The following AXL variants were observed in gnomAD, a reference collection of about 807,000 sequenced individuals.
AXL encodes tyrosine-protein kinase receptor UFO.
A neutral mutation model predicts 104.5 loss-of-function variants in AXL; 52 were observed. That is an observed-to-expected ratio of 0.50 (90% CI 0.40 to 0.63). The LOEUF (loss-of-function observed/expected upper bound fraction) is 0.63. Ranked by LOEUF, AXL falls within the 20% of genes least tolerant of loss-of-function variation. The pLI is 0.00. For synonymous variants in AXL, 455 were observed against 473.7 expected (o/e 0.96, Z 0.51); for missense variants, 1,024 against 1,188.5 (o/e 0.86, Z 2.04).
At position 41,242,932 on chromosome 19, in the gene AXL, G is replaced by A. The variant is rs2122247118; in HGVS notation, c.1362G>A (p.Leu454=). ...PAFSWPWWYV[L]LGAVVAAACV... is the part of the protein sequence containing the mutation. ...TCTCGTGGCCCTGGTGGTATGTACT[G>A]CTAGGAGCAGTCGTGGCCGCTGCCT... is the stretch of plus-strand genomic sequence containing the variant. The change falls in exon 11 of 20, where the codon CTG becomes CTA. Residue 454 remains leucine, a synonymous_variant. Coordinates refer to ENST00000301178, the MANE Select transcript of AXL (RefSeq NM_021913.5). 1 of 1,614,186 alleles carries A rather than the reference G, an allele frequency of 6.2e-7. No homozygotes were observed. Among genetic ancestry groups the A allele is most frequent in the South Asian group, 1.1e-5 (1 of 91,088 alleles).
chr19:41,239,603 C>T, intron 9 of AXL, 91 bp from the exon 10 acceptor site: 2 of 1,525,980 alleles, frequency 1.3e-6, no homozygotes, highest in Non-Finnish European at 9.1e-7. Flanking sequence ...CCCTCACTCC[C>T]TTACCCGTGC....
intron 14 of AXL, among the ~76,000 whole-genome samples, chr19:41,251,222 G>A (rs939018555): frequency 6.6e-6 from 1 of 152,096 alleles, no homozygotes; most frequent in African/African-American, 2.4e-5. Flanking sequence ...AGGATCACTT[G>A]AGGCTGGGAG....
intron 4 of AXL, among the ~76,000 whole-genome samples, chr19:41,226,121 A>G (rs1480239174): frequency 2.6e-5 from 4 of 152,148 alleles, no homozygotes; most frequent in African/African-American, 9.7e-5. Flanking sequence ...GGGCCTGGGA[A>G]GGGGGATCCC....
In AXL at chr19:41,248,563, G is replaced by C; in HGVS notation, c.1587G>C (p.Val529=). 6.2e-7 allele frequency: 1 copy of C among 1,614,212 alleles called. No individual in the cohort carries two copies. Among genetic ancestry groups the C allele is most frequent in the Non-Finnish European group, 8.5e-7 (1 of 1,180,040 alleles). ...SEELKEKLRD[V]MVDRHKVALG... ...AGCTGAAGGAGAAGCTGCGGGATGT[G>C]ATGGTGGACCGGCACAAGGTGGCCC... The change falls in exon 13 of 20, where the codon GTG becomes GTC. Residue 529 remains valine, a synonymous_variant. Coordinates refer to ENST00000301178, the MANE Select transcript of AXL (RefSeq NM_021913.5).
rs1307968316 is a variant in AXL, at chr19:41,253,715, G to A, written c.2036+7G>A. Reference sequence around the variant, plus strand: ...TGGCGGCCAGGAACTGCATGTGAGTGCCTTTCAGGGACCCCCCCCCCCCAA... The same window carrying A: ...TGGCGGCCAGGAACTGCATGTGAGTACCTTTCAGGGACCCCCCCCCCCCAA... On this transcript the variant is annotated splice_region_variant and intron_variant, in intron 17 of 19. Coordinates refer to ENST00000301178, the MANE Select transcript of AXL (RefSeq NM_021913.5). The A allele has an allele frequency of 6.4e-7, 1 of 1,572,144 alleles. No homozygotes were observed. Among genetic ancestry groups the A allele is most frequent in the Non-Finnish European group, 8.6e-7 (1 of 1,156,774 alleles).
At chr19:41,252,514 C>A in intron 15 of AXL, 71 bp downstream of exon 15, 1 of 1,531,198 alleles carries the variant, frequency 6.5e-7, no homozygotes, top group Non-Finnish European at 9.0e-7. Flanking sequence ...AGCCCTGCTT[C>A]TGGCCCTGGG....
chr19:41,238,372 C>T (rs758243842), intron 7 of AXL, 98 bp from the exon 8 acceptor site: 84 of 1,551,494 alleles, frequency 5.4e-5, no homozygotes, highest in Middle Eastern at 4.7e-4. Context: ...GAGTTGCCCA[C>T]GTGTGTGCCC....
At chr19:41,239,558 C>T (rs1422104517) in intron 9 of AXL, 136 bp from the exon 10 acceptor site, 11 of 1,241,488 alleles carry the variant, frequency 8.9e-6, no homozygotes, top group South Asian at 8.7e-5. Flanking sequence ...ACTCCCTTAC[C>T]CGTGCCAAAC....
chr19:41,247,869 G>A (rs901024717), intron 12 of AXL, among the ~76,000 whole-genome samples: 1 of 150,846 alleles, frequency 6.6e-6, no homozygotes, highest in Admixed American at 6.6e-5. Context: ...ACAGGCATGA[G>A]CCACTGCATC....
At chr19:41,221,307 G>A (rs1338141962) in intron 3 of AXL, 61 bp downstream of exon 3, 13 of 1,478,496 alleles carry the variant, frequency 8.8e-6, no homozygotes, top group Non-Finnish European at 1.1e-5. Flanking sequence ...ATAGGTTGTG[G>A]GAAGTCAGGA....
chr19:41,253,672 G>A lies in AXL; in HGVS notation c.2000G>A (p.Arg667Lys), dbSNP rs367869435. The A allele has an allele frequency of 6.2e-7, 1 of 1,613,134 alleles. No homozygotes were observed. The highest frequency in any genetic ancestry group is 8.5e-7 in the Non-Finnish European group (1 of 1,179,728). Residue 667 changes from arginine (R) to lysine (K), a missense_variant, in exon 17 of 20, where the codon AGA becomes AAA. Arg to Lys is a conservative substitution (Grantham distance 26). Coordinates refer to ENST00000301178, the MANE Select transcript of AXL (RefSeq NM_021913.5). ...ASGMEYLSTK[R>K]FIHRDLAARN... is the part of the protein sequence containing the mutation. Reference sequence around the variant, plus strand: ...GGCATGGAGTATCTGAGTACCAAGAGATTCATACACCGGGACCTGGCGGCC... The same window carrying A: ...GGCATGGAGTATCTGAGTACCAAGAAATTCATACACCGGGACCTGGCGGCC...
In AXL at chr19:41,222,000, C is replaced by A; in HGVS notation, c.530C>A (p.Ala177Asp). 1 of 1,607,828 alleles carries A rather than the reference C, an allele frequency of 6.2e-7. No homozygotes were observed. The highest frequency in any genetic ancestry group is 1.8e-4 in the Middle Eastern group (1 of 5,612). ...GTGGACCTACTCTGGCTCCAGGATG[C>A]TGTCCCCCTGGCCACGGCTCCAGGT... ...EPVDLLWLQD[A>D]VPLATAPGHG... is the part of the protein sequence containing the mutation. Residue 177 changes from alanine to aspartate, a missense_variant, in exon 4 of 20, where the codon GCT becomes GAT. Transcript: ENST00000301178.
chr19:41,257,496 T>A lies in AXL; in HGVS notation c.2200T>A (p.Ser734Thr), dbSNP rs1221978724. Residue 734 changes from serine to threonine, a missense_variant, in exon 19 of 20, where the codon TCC (serine) becomes ACC (threonine). Ser to Thr is a moderately conservative substitution (Grantham distance 58). Coordinates refer to ENST00000301178, the MANE Select transcript of AXL (RefSeq NM_021913.5). Reference sequence around the variant, plus strand: ...TAATTCCCTCTGCCCCTCACAGTGGTCCTTCGGGGTGACAATGTGGGAGAT... The same window carrying A: ...TAATTCCCTCTGCCCCTCACAGTGGACCTTCGGGGTGACAATGTGGGAGAT... ...RVYTSKSDVW[S>T]FGVTMWEIAT... 6.2e-7 allele frequency: 1 copy of A among 1,614,068 alleles called. No homozygotes were observed. Among genetic ancestry groups the A allele is most frequent in the Non-Finnish European group, 8.5e-7 (1 of 1,180,000 alleles).
At chr19:41,254,268 G>A (rs1247172917) in intron 17 of AXL, among the ~76,000 whole-genome samples, 1 of 150,310 alleles carries the variant, frequency 6.7e-6, no homozygotes, top group Admixed American at 6.7e-5. Context: ...GGTGGTGTGC[G>A]CCTGTAATCC....
intron 6 of AXL, among the ~76,000 whole-genome samples, chr19:41,232,718 T>C (rs965781694): frequency 2.0e-5 from 3 of 151,986 alleles, no homozygotes; most frequent in African/African-American, 7.2e-5. Context: ...TGGTCTGAAG[T>C]TCTCTGAGAT....
In AXL at chr19:41,219,336, G is replaced by A. The variant is rs969240754; in HGVS notation, c.-57G>A. ...CTGGGGGGAGGGCCGGGGACAGCCC[G>A]GCCCTGCCCCCTCCCCCGCTGGGAG... On this transcript the variant is annotated 5_prime_UTR_variant, in exon 1 of 20. Transcript: ENST00000301178. 26 of 1,514,488 alleles carry A rather than the reference G, an allele frequency of 1.7e-5. No homozygotes were observed. The African/African-American group carries it at 2.2e-4, about 13-fold the overall frequency. The allele number at this position is 1,514,488 out of a possible 1,614,324, so 93.8% of individuals were successfully genotyped here. A position where few individuals can be genotyped will look rare whatever the true frequency, so the allele number is the denominator to read the frequency against.
chr19:41,230,665 ATGTG>A (rs780008342), intron 4 of AXL, among the ~76,000 whole-genome samples: 5 of 123,600 alleles, frequency 4.0e-5, no homozygotes, highest in African/African-American at 1.6e-4. Flanking sequence ...GGGTGTAAGA[ATGTG>A]TGTGTGAGAC....
chr19:41,246,615 T>C lies in AXL; in HGVS notation c.1538-1899T>C, dbSNP rs147469435. Among the ~76,000 whole-genome samples, 1,192 of 150,928 alleles carry C rather than the reference T, an allele frequency of 7.9e-3. 4 individuals are homozygous for C. The highest frequency in any genetic ancestry group is 0.013 in the Non-Finnish European group (889 of 67,758). On this transcript the variant is annotated intron_variant, in intron 12 of 19. Transcript: ENST00000301178. ...CTATAATTCCAGCTGCTCAGGAGGG[T>C]GAGGCAGGGGAATCACTTGAACCTG...
intron 3 of AXL, 113 bp from the exon 4 acceptor site, chr19:41,221,767 C>A: frequency 8.4e-7 from 1 of 1,187,722 alleles, no homozygotes; most frequent in Non-Finnish European, 1.2e-6. Context: ...TAAGGCAAGT[C>A]AATGACCCTG....
Sources: gnomAD v4.1 joint callset for allele counts (sites outside exome capture counted in the v4.1 genomes callset) on GRCh38, gnomAD v4.1.1 for gene constraint, MANE v1.5 for transcripts, NCBI Gene and HGNC (gene_info 2026-07-23, HGNC 2026-07-21) for gene names.